WWOX: variants seen among roughly 807,000 people sequenced by gnomAD.
WWOX encodes WW domain containing oxidoreductase.
A neutral mutation model predicts 46.2 loss-of-function variants in WWOX; 69 were observed. The ratio of observed to expected loss-of-function variants is 1.49; its 90% CI spans 1.23 to 1.82. The LOEUF is 1.82. WWOX is among the 40% of genes most tolerant of loss of function. The probability of loss-of-function intolerance (pLI) is 0.00; values close to 1 mark genes in which losing one functional copy is unlikely to be tolerated. For missense variants in WWOX, 919 were observed against 542.6 expected (o/e 1.69, Z -6.89); for synonymous variants, 359 against 202.6 (o/e 1.77, Z -6.56).
At chr16:79,054,415 C>T (rs984589789) in intron 8 of WWOX, among the ~76,000 whole-genome samples, 3 of 152,146 alleles carry the variant, frequency 2.0e-5, no homozygotes, top group Non-Finnish European at 2.9e-5. Context: ...ATGCTTTTGG[C>T]GTGATTTCCA....
chr16:78,145,055 A>G (rs1206464059), intron 4 of WWOX, among the ~76,000 whole-genome samples: 1 of 152,138 alleles, frequency 6.6e-6, no homozygotes, highest in East Asian at 1.9e-4. Flanking sequence ...CAAATTGGGT[A>G]GCTTAAACAA....
chr16:78,432,356 T>C (rs2083241446), intron 7 of WWOX, 132 bp from the exon 8 acceptor site: 1 of 1,252,170 alleles, frequency 8.0e-7, no homozygotes, highest in Non-Finnish European at 1.1e-6. Context: ...TCCACTCGTC[T>C]AAGACTCCCA....
chr16:78,777,038 A>G (rs974952144), intron 8 of WWOX, among the ~76,000 whole-genome samples: 1 of 152,208 alleles, frequency 6.6e-6, no homozygotes, highest in East Asian at 1.9e-4. Context: ...CAGATTTTGC[A>G]TGACATTTTA....
chr16:78,624,496 T>G lies in WWOX; in HGVS notation c.1056+191744T>G, dbSNP rs2548861. ...GCAATAAGAAAACCATTCAAATCTT[T>G]CCCTCACAGGACAATATCTTTAATA... On this transcript the variant is annotated intron_variant, in intron 8 of 8. Coordinates refer to ENST00000566780, the MANE Select transcript of WWOX (RefSeq NM_016373.4). 0.52 allele frequency among the ~76,000 whole-genome samples: 79,680 copies of G among 152,036 alleles called. 22,006 individuals carry two copies. Among genetic ancestry groups the G allele is most frequent in the East Asian group, 0.64 (3,272 of 5,152 alleles).
chr16:78,301,239 C>G (rs1011415995), intron 5 of WWOX, among the ~76,000 whole-genome samples: 10 of 152,100 alleles, frequency 6.6e-5, no homozygotes, highest in African/African-American at 2.4e-4. Context: ...CACAAATTGT[C>G]TTTTATAGCT....
At chr16:78,903,824 T>C (rs1393648677) in intron 8 of WWOX, among the ~76,000 whole-genome samples, 8 of 152,190 alleles carry the variant, frequency 5.3e-5, no homozygotes, top group Admixed American at 5.2e-4. Flanking sequence ...ATTTATAACA[T>C]AATTCATAAA....
intron 8 of WWOX, among the ~76,000 whole-genome samples, chr16:78,837,528 G>A (rs932108654): frequency 6.6e-6 from 1 of 152,178 alleles, no homozygotes; most frequent in Non-Finnish European, 1.5e-5. Context: ...ACACTTCTCA[G>A]GAGTGGGATA....
chr16:78,626,614 C>T (rs2046317672), intron 8 of WWOX, among the ~76,000 whole-genome samples: 2 of 152,156 alleles, frequency 1.3e-5, no homozygotes, highest in African/African-American at 4.8e-5. Context: ...CATTAGGTTT[C>T]TCCACTGCAC....
At chr16:78,655,290 G>T (rs534539924) in intron 8 of WWOX, among the ~76,000 whole-genome samples, 108 of 152,242 alleles carry the variant, frequency 7.1e-4, no homozygotes, top group African/African-American at 2.5e-3. Flanking sequence ...TGATCACTTA[G>T]AGACAACAGC....
At chr16:78,786,199 C>T (rs997290354) in intron 8 of WWOX, among the ~76,000 whole-genome samples, 7 of 152,292 alleles carry the variant, frequency 4.6e-5, no homozygotes, top group Admixed American at 6.5e-5. Flanking sequence ...CGTGAGCCAC[C>T]GCGCCTGGCC....
In WWOX at chr16:78,099,674, G is replaced by C; in HGVS notation, c.-105G>C. On this transcript the variant is annotated 5_prime_UTR_variant, in exon 1 of 9. Coordinates refer to ENST00000566780, the MANE Select transcript of WWOX (RefSeq NM_016373.4). ...AGGGCGCAGTGCGCAGGCGTGAGCG[G>C]TCGGGCCCCGACGCGCGCGGGTCTC... is the stretch of plus-strand genomic sequence containing the variant. 1.4e-6 allele frequency: 2 copies of C among 1,404,294 alleles called. No individual in the cohort carries two copies. Among genetic ancestry groups the C allele is most frequent in the South Asian group, 3.0e-5 (2 of 66,178 alleles). 87.0% of individuals were successfully genotyped at this position (1,404,294 alleles called of 1,614,324 possible). A position where few individuals can be genotyped will look rare whatever the true frequency, so the allele number is the denominator to read the frequency against.
intron 8 of WWOX, among the ~76,000 whole-genome samples, chr16:79,018,143 T>A (rs2151382344): frequency 6.6e-6 from 1 of 152,290 alleles, no homozygotes; most frequent in South Asian, 2.1e-4. Context: ...CCTTCAAGAA[T>A]CTTCCGGTTA....
intron 8 of WWOX, among the ~76,000 whole-genome samples, chr16:78,459,319 G>A (rs1198494451): frequency 1.3e-5 from 2 of 152,164 alleles, no homozygotes; most frequent in East Asian, 1.9e-4. Context: ...ATGTTTTAAC[G>A]GACATGGTAT....
chr16:78,937,533 G>T (rs1390514563), intron 8 of WWOX, among the ~76,000 whole-genome samples: 1 of 135,668 alleles, frequency 7.4e-6, no homozygotes, highest in Admixed American at 8.0e-5. Flanking sequence ...GAGTTCAAGT[G>T]ATCTGCCTTG....
intron 8 of WWOX, among the ~76,000 whole-genome samples, chr16:79,067,323 G>T (rs1165810702): frequency 1.3e-5 from 2 of 152,174 alleles, no homozygotes; most frequent in African/African-American, 4.8e-5. Flanking sequence ...TTGAGTCCCT[G>T]TTCCTCCCTT....
chr16:79,204,604 C>T (rs553710960), intron 8 of WWOX: 1 of 152,156 alleles, frequency 6.6e-6, no homozygotes, highest in Non-Finnish European at 1.5e-5. Context: ...GGGCTTCACT[C>T]GTTTCATGGA....
chr16:78,622,663 A>G (rs926347460), intron 8 of WWOX, among the ~76,000 whole-genome samples: 1 of 136,120 alleles, frequency 7.3e-6, no homozygotes, highest in Non-Finnish European at 1.6e-5. Flanking sequence ...CCCTTCCCCC[A>G]CCTTGAATGT....
intron 8 of WWOX, among the ~76,000 whole-genome samples, chr16:79,187,210 C>T (rs989608752): frequency 6.6e-6 from 1 of 152,138 alleles, no homozygotes; most frequent in Non-Finnish European, 1.5e-5. Context: ...CATTTTCCTC[C>T]CCTGTAAAAC....
At chr16:78,415,438 A>G (rs551710729) in intron 6 of WWOX, among the ~76,000 whole-genome samples, 1 of 152,110 alleles carries the variant, frequency 6.6e-6, no homozygotes, top group Admixed American at 6.5e-5. Flanking sequence ...CTGACCTCCT[A>G]TGTTATCCTG....
Sources: gnomAD v4.1 joint callset for allele counts (sites outside exome capture counted in the v4.1 genomes callset) on GRCh38, gnomAD v4.1.1 for gene constraint, MANE v1.5 for transcripts, NCBI Gene and HGNC (gene_info 2026-07-23, HGNC 2026-07-21) for gene names.